The following DNAH6 variants were observed in gnomAD, a reference collection of about 807,000 sequenced individuals.
DNAH6 encodes the protein dynein axonemal heavy chain 6.
Under a neutral mutation model 491.4 loss-of-function variants are expected in DNAH6, and 340 were observed. The ratio of observed to expected loss-of-function variants is 0.69; its 90% CI spans 0.63 to 0.76. The LOEUF (loss-of-function observed/expected upper bound fraction) is 0.76, where lower values mean the gene tolerates loss of function less well. Ranked by LOEUF, DNAH6 falls within the 30% of genes least tolerant of loss-of-function variation. The pLI, the probability that DNAH6 is intolerant of heterozygous loss-of-function variation, is 0.00. For missense variants in DNAH6, 4,443 were observed against 4,972.2 expected, an observed-to-expected ratio of 0.89 and a Z score of 3.20; for synonymous variants, 1,603 against 1,686.1, an observed-to-expected ratio of 0.95 and a Z score of 1.21.
chr2:84,634,424 T>C (rs1688679427), intron 29 of DNAH6, 80 bp from the exon 30 acceptor site: 1 of 1,333,878 alleles, frequency 7.5e-7, no homozygotes, highest in Non-Finnish European at 9.7e-7. Flanking sequence ...CTTTTTTCTT[T>C]AATATTTCAG....
rs2104539928 is a variant in DNAH6, at chr2:84,547,611, G to A, written c.1185G>A (p.Glu395=). Residue 395 remains glutamate (E), a splice_region_variant and synonymous_variant, in exon 7 of 77, where the codon GAG becomes GAA. Coordinates refer to ENST00000389394, the MANE Select transcript of DNAH6 (RefSeq NM_001370.2). ...ATGACTGTGCATTTGGACCTTTTGA[G>A]GGTATGAAGGGGAAAGAACCTCAAT... ...VPDDCAFGPF[E]DYHKVQSSGS... 2 of 1,551,724 alleles carry A rather than the reference G, an allele frequency of 1.3e-6. No homozygotes were observed. Among genetic ancestry groups the A allele is most frequent in the East Asian group, 2.4e-5 (1 of 40,916 alleles).
intron 64 of DNAH6, among the ~76,000 whole-genome samples, chr2:84,770,475 G>A (rs1675499601): frequency 1.3e-5 from 2 of 152,036 alleles, no homozygotes; most frequent in Non-Finnish European, 1.5e-5. Context: ...AGGAAAACAT[G>A]AGAATGATGA....
chr2:84,671,536 C>T (rs1692736776), intron 39 of DNAH6, among the ~76,000 whole-genome samples: 1 of 152,330 alleles, frequency 6.6e-6, no homozygotes, highest in African/African-American at 2.4e-5. Flanking sequence ...CCTTCTGTCT[C>T]TGTCCCCTCT....
chr2:84,544,490 T>C lies in DNAH6; in HGVS notation c.920T>C (p.Ile307Thr). The C allele has an allele frequency of 6.9e-7, 1 of 1,454,536 alleles. No homozygotes were observed. Among genetic ancestry groups the C allele is most frequent in the African/African-American group, 1.4e-5 (1 of 71,890 alleles). 90.1% of individuals were successfully genotyped at this position (1,454,536 alleles called of 1,614,324 possible). Residue 307 changes from isoleucine (I) to threonine (T), a missense_variant, in exon 5 of 77, where the codon ATT becomes ACT. Ile to Thr is a moderately conservative substitution (Grantham distance 89). This residue lies in a region of DNAH6 where 2,977 missense variants were observed against 3,296.6 expected (regional missense o/e 0.90). Transcript: ENST00000389394. ...AAATCTCTACAAAAAAATTTGTTCA[T>C]TGTTAATCCTGTATGTATTTATCAT... ...CQKSLQKNLF[I>T]VNPHLRPALL...
chr2:84,756,833 A>T (rs1028218811), intron 63 of DNAH6, among the ~76,000 whole-genome samples: 1 of 152,238 alleles, frequency 6.6e-6, no homozygotes, highest in Non-Finnish European at 1.5e-5. Context: ...AAACTGAAAA[A>T]TGCTCTGAGG....
rs144073922 is a variant in DNAH6, at chr2:84,743,515, G to A, written c.10343-1565G>A. ...TTCTAAGTGCTTCGTGTCCTATTGG[G>A]AGTTATTTAAAATATACATTATTAA... On this transcript the variant is annotated intron_variant, in intron 62 of 76. Transcript: ENST00000389394. Among the ~76,000 whole-genome samples the A allele has an allele frequency of 4.6e-5, 7 of 152,196 alleles. No homozygotes were observed. The East Asian group carries it at 1.4e-3, about 29-fold the overall frequency.
intron 11 of DNAH6, among the ~76,000 whole-genome samples, chr2:84,564,735 A>G (rs565364867): frequency 2.0e-5 from 3 of 152,208 alleles, no homozygotes; most frequent in African/African-American, 7.2e-5. Flanking sequence ...GTTGAATAAG[A>G]GTGGTAAGGG....
intron 18 of DNAH6, among the ~76,000 whole-genome samples, chr2:84,603,696 GT>G (rs993318675): frequency 4.3e-4 from 66 of 152,116 alleles, no homozygotes; most frequent in African/African-American, 1.5e-3. Context: ...AGGGTAAATT[GT>G]TTTTTTCCAT....
rs114101077 is a variant in DNAH6, at chr2:84,732,521, G to A, written c.10207-923G>A. 5.2e-3 allele frequency among the ~76,000 whole-genome samples: 791 copies of A among 152,210 alleles called. 4 individuals carry two copies. The highest frequency in any genetic ancestry group is 0.018 in the African/African-American group (741 of 41,534). On this transcript the variant is annotated intron_variant, in intron 61 of 76. Transcript: ENST00000389394. ...TTGAAAACACTAAGCTAAGACGTCC[G>A]TCACAAAAGCCCACATATTATATAA... is the stretch of plus-strand genomic sequence containing the variant.
At chr2:84,745,649 G>C (rs1231662093) in intron 63 of DNAH6, among the ~76,000 whole-genome samples, 2 of 143,050 alleles carry the variant, frequency 1.4e-5, no homozygotes, top group Non-Finnish European at 3.0e-5. Flanking sequence ...CTGGGCAACA[G>C]AGCGAGACAC....
rs1239268557 is a variant in DNAH6, at chr2:84,641,965, C to T, written c.4989C>T (p.Asn1663=). The T allele has an allele frequency of 3.2e-6, 5 of 1,550,398 alleles. No homozygotes were observed. In the Admixed American group the frequency reaches 7.9e-5, roughly 24 times the overall value. ...LVMAGSLKRE[N]PDLNEDVVLI... ...AATTTAGATCTTTAAAAAGAGAAAA[C>T]CCAGACCTAAATGAAGATGTGGTGT... is the stretch of plus-strand genomic sequence containing the variant. The change falls in exon 33 of 77, where the codon AAC becomes AAT. Residue 1663 remains asparagine (N), a synonymous_variant. Transcript: ENST00000389394.
Position 84,685,359 on chromosome 2 carries a change from A to G in DNAH6, c.6950A>G (p.Glu2317Gly). ...CAATGTGATCCAGGAACAATAAGAG[A>G]AGAAATTCAGATATTTAGACTCTTT... ...ILQCDPGTIR[E>G]EIQIFRLFCH... Residue 2317 changes from glutamate to glycine, a missense_variant, in exon 43 of 77, where the codon GAA becomes GGA. Glu to Gly is a moderately conservative substitution (Grantham distance 98). This residue lies in a region of DNAH6 where 2,977 missense variants were observed against 3,296.6 expected (regional missense o/e 0.90). Coordinates refer to ENST00000389394, the MANE Select transcript of DNAH6 (RefSeq NM_001370.2). 1 of 1,521,296 alleles carries G rather than the reference A, an allele frequency of 6.6e-7. No individual in the cohort carries two copies. Among genetic ancestry groups the G allele is most frequent in the Non-Finnish European group, 8.9e-7 (1 of 1,129,132 alleles). 94.2% of individuals were successfully genotyped at this position (1,521,296 alleles called of 1,614,324 possible).
intron 10 of DNAH6, among the ~76,000 whole-genome samples, chr2:84,557,000 C>T (rs1450365798): frequency 6.6e-6 from 1 of 152,178 alleles, no homozygotes; most frequent in Non-Finnish European, 1.5e-5. Context: ...ATGAGAAATA[C>T]TGCAGTGATT....
chr2:84,700,143 C>G (rs762885004), intron 48 of DNAH6, among the ~76,000 whole-genome samples: 1 of 152,090 alleles, frequency 6.6e-6, no homozygotes, highest in African/African-American at 2.4e-5. Context: ...GAAACACAAG[C>G]GGCATGCATG....
At chr2:84,813,155 C>T in intron 74 of DNAH6, 25 bp downstream of exon 74, 9 of 1,514,330 alleles carry the variant, frequency 5.9e-6, no homozygotes, top group Non-Finnish European at 8.1e-6. Flanking sequence ...TAGAAAAACC[C>T]CATAGGAATG....
intron 47 of DNAH6, among the ~76,000 whole-genome samples, chr2:84,698,254 C>T (rs1695573521): frequency 6.6e-6 from 1 of 152,154 alleles, no homozygotes; most frequent in African/African-American, 2.4e-5. Context: ...AAGTTTCTGG[C>T]TGTTCTTTCT....
At chr2:84,659,891 A>G (rs1418229816) in intron 37 of DNAH6, among the ~76,000 whole-genome samples, 1 of 152,170 alleles carries the variant, frequency 6.6e-6, no homozygotes, top group Non-Finnish European at 1.5e-5. Flanking sequence ...CTGAGGCAAG[A>G]GGATTTCTTG....
chr2:84,707,326 A>G (rs1326628321), intron 53 of DNAH6, among the ~76,000 whole-genome samples, 194 bp from the exon 54 acceptor site: 1 of 152,256 alleles, frequency 6.6e-6, no homozygotes, highest in Admixed American at 6.5e-5. Flanking sequence ...AGAGTTTTCG[A>G]TAAGGAAAAG....
At chr2:84,673,057 G>A (rs1364488219) in intron 40 of DNAH6, among the ~76,000 whole-genome samples, 1 of 152,186 alleles carries the variant, frequency 6.6e-6, no homozygotes, top group Non-Finnish European at 1.5e-5. Flanking sequence ...AGAGTGGTGA[G>A]AGGGGAGAGA....
Sources: allele counts gnomAD v4.1 joint callset (sites outside exome capture counted in the v4.1 genomes callset), GRCh38; gene constraint gnomAD v4.1.1; regional missense constraint gnomAD v4.1.1; transcripts MANE v1.5; gene names NCBI Gene and HGNC (gene_info 2026-07-23, HGNC 2026-07-21).